The following EYS variants were observed in gnomAD, a reference collection of about 807,000 sequenced individuals.
The protein encoded by EYS is EGF-like photoreceptor maintenance factor, also known as protein eyes shut homolog.
A neutral mutation model predicts 282.1 loss-of-function variants in EYS; 250 were observed. The observed-to-expected ratio is 0.89, with a 90% CI of 0.80 to 0.98. The LOEUF is 0.98. Ranked by LOEUF, EYS falls within the 50% of genes least tolerant of loss-of-function variation. The probability of loss-of-function intolerance (pLI) is 0.00; values close to 1 mark genes in which losing one functional copy is unlikely to be tolerated. For synonymous variants in EYS, 1,355 were observed against 1,282.9 expected (o/e 1.06, Z -1.20); for missense variants, 4,016 against 3,709.0 (o/e 1.08, Z -2.15).
chr6:65,515,974 A>G (rs1185313636), intron 2 of EYS, among the ~76,000 whole-genome samples: 1 of 152,088 alleles, frequency 6.6e-6, no homozygotes, highest in Non-Finnish European at 1.5e-5. Flanking sequence ...TCAATATACT[A>G]AAGCTCTTTA....
intron 28 of EYS, among the ~76,000 whole-genome samples, chr6:64,414,473 G>A (rs1774002803): frequency 6.6e-6 from 1 of 151,938 alleles, no homozygotes; most frequent in Admixed American, 6.6e-5. Flanking sequence ...TCAGACAAAT[G>A]AAACAAAATA....
intron 31 of EYS, among the ~76,000 whole-genome samples, chr6:64,165,016 T>C (rs527363120): frequency 1.7e-4 from 26 of 152,218 alleles, no homozygotes; most frequent in African/African-American, 5.8e-4. Context: ...AAATATGATA[T>C]GCCCAGGACA....
At chr6:63,909,979 A>G (rs942099939) in intron 35 of EYS, among the ~76,000 whole-genome samples, 1 of 152,194 alleles carries the variant, frequency 6.6e-6, no homozygotes, top group African/African-American at 2.4e-5. Context: ...CACCTCTAAA[A>G]GAAAACATGT....
intron 12 of EYS, among the ~76,000 whole-genome samples, chr6:65,177,507 G>A (rs979381532): frequency 1.3e-5 from 2 of 151,710 alleles, no homozygotes; most frequent in Non-Finnish European, 2.9e-5. Context: ...TTGTAAACAC[G>A]TTTAGCTATA....
At chr6:65,528,080 G>C (rs1767635579) in intron 2 of EYS, among the ~76,000 whole-genome samples, 1 of 152,052 alleles carries the variant, frequency 6.6e-6, no homozygotes, top group South Asian at 2.1e-4. Flanking sequence ...CTGTCCTTCT[G>C]GTAACAGCAC....
chr6:65,466,867 A>G (rs534816052), intron 5 of EYS, among the ~76,000 whole-genome samples: 34 of 152,296 alleles, frequency 2.2e-4, no homozygotes, highest in African/African-American at 7.9e-4. Context: ...ACTAAGCAGC[A>G]CCACGGAAAG....
intron 35 of EYS, among the ~76,000 whole-genome samples, chr6:63,943,687 G>T (rs901711170): frequency 2.8e-4 from 42 of 152,210 alleles, no homozygotes; most frequent in African/African-American, 9.4e-4. Context: ...TTCCTATTTT[G>T]GTAGAGTGCT....
intron 35 of EYS, among the ~76,000 whole-genome samples, chr6:63,890,358 C>T (rs1283312733): frequency 6.6e-6 from 1 of 152,142 alleles, no homozygotes; most frequent in Non-Finnish European, 1.5e-5. Flanking sequence ...GTAAAATACT[C>T]CTCAGTAAAT....
chr6:63,725,542 C>T (rs924304808), intron 42 of EYS, among the ~76,000 whole-genome samples: 5 of 152,226 alleles, frequency 3.3e-5, no homozygotes, highest in African/African-American at 7.2e-5. Flanking sequence ...TCCTATTTGA[C>T]ATTTTCACAG....
intron 22 of EYS, among the ~76,000 whole-genome samples, chr6:64,764,569 C>T (rs1773263378): frequency 6.6e-6 from 1 of 152,220 alleles, no homozygotes; most frequent in South Asian, 2.1e-4. Flanking sequence ...TCTGAAATGC[C>T]CTGGAGGCAT....
intron 7 of EYS, among the ~76,000 whole-genome samples, chr6:65,392,594 G>A (rs1163455013): frequency 6.6e-6 from 1 of 152,172 alleles, no homozygotes; most frequent in East Asian, 1.9e-4. Flanking sequence ...CTGGCCATCA[G>A]AGAAATGCAA....
At chr6:64,960,074 A>C (rs1769861896) in intron 14 of EYS, among the ~76,000 whole-genome samples, 1 of 152,044 alleles carries the variant, frequency 6.6e-6, no homozygotes, top group Non-Finnish European at 1.5e-5. Context: ...AATTGAATAA[A>C]ATCAATGGTA....
At chr6:65,240,264 G>A (rs369766103) in intron 12 of EYS, among the ~76,000 whole-genome samples, 1 of 151,996 alleles carries the variant, frequency 6.6e-6, no homozygotes, top group East Asian at 1.9e-4. Flanking sequence ...CACCATGCCC[G>A]GCTGATTTTT....
intron 31 of EYS, among the ~76,000 whole-genome samples, chr6:64,124,426 G>T (rs1773693875): frequency 1.3e-5 from 2 of 152,152 alleles, no homozygotes; most frequent in East Asian, 1.9e-4. Flanking sequence ...TAAATATATT[G>T]CTCTAAGCAT....
At chr6:65,024,789 A>G (rs927581009) in intron 13 of EYS, among the ~76,000 whole-genome samples, 4 of 152,202 alleles carry the variant, frequency 2.6e-5, no homozygotes, top group African/African-American at 9.6e-5. Context: ...AACATTTGAT[A>G]TTGTTTGAGA....
At chr6:64,666,986 T>C (rs1769254258) in intron 22 of EYS, among the ~76,000 whole-genome samples, 1 of 152,120 alleles carries the variant, frequency 6.6e-6, no homozygotes, top group East Asian at 1.9e-4. Context: ...AATAGTTTTA[T>C]TACAGTTCAA....
At chr6:64,395,196 A>T (rs560424036) in intron 28 of EYS, among the ~76,000 whole-genome samples, 1 of 152,100 alleles carries the variant, frequency 6.6e-6, no homozygotes, top group Non-Finnish European at 1.5e-5. Flanking sequence ...ACTGTAAACT[A>T]GTTCAACCAT....
At chr6:65,705,670 A>C (rs1293659544) in intron 1 of EYS, among the ~76,000 whole-genome samples, 1 of 152,166 alleles carries the variant, frequency 6.6e-6, no homozygotes, top group Admixed American at 6.6e-5. Context: ...TGGCAACTGC[A>C]AACATGGAAG....
intron 31 of EYS, among the ~76,000 whole-genome samples, chr6:64,118,677 A>T (rs749402403): frequency 2.6e-5 from 4 of 152,172 alleles, no homozygotes; most frequent in Non-Finnish European, 5.9e-5. Context: ...AAGCAAAAAT[A>T]GACAAATAGG....
Sources: gnomAD v4.1 joint callset for allele counts (sites outside exome capture counted in the v4.1 genomes callset) on GRCh38, gnomAD v4.1.1 for gene constraint, MANE v1.5 for transcripts, NCBI Gene and HGNC (gene_info 2026-07-23, HGNC 2026-07-21) for gene names.